Variants in SCN2A observed in about 807,000 individuals in gnomAD.
SCN2A encodes sodium channel protein type 2 subunit alpha.
Under a neutral mutation model 188.7 loss-of-function variants are expected in SCN2A, and 20 were observed. The observed-to-expected ratio is 0.11, with a 90% CI of 0.07 to 0.15. The LOEUF (loss-of-function observed/expected upper bound fraction) is 0.15. Among genes scored for constraint, SCN2A ranks in the 10% least tolerant of loss-of-function variants. The pLI is 1.00. For synonymous variants in SCN2A, 804 were observed against 833.1 expected, an observed-to-expected ratio of 0.97 and a Z score of 0.60; for missense variants, 1,278 against 2,445.0, an observed-to-expected ratio of 0.52 and a Z score of 10.07.
chr2:165,318,432 G>A (rs959066560), intron 11 of SCN2A, among the ~76,000 whole-genome samples: 6 of 152,218 alleles, frequency 3.9e-5, no homozygotes, highest in Admixed American at 2.6e-4. Flanking sequence ...TAGGAGTTTT[G>A]CTTTTTAAAG....
Position 165,265,444 on chromosome 2 carries a change from T to A in SCN2A, c.-52+25804T>A, listed in dbSNP as rs1183542055. On this transcript the variant is annotated intron_variant, in intron 1 of 26. Coordinates refer to ENST00000375437, the MANE Select transcript of SCN2A (RefSeq NM_001040142.2). ...AGTTGGCAAGTATTTTCTCCTATTC[T>A]CTAGGTTATGTGTTTACTCTGTTGA... 2.2e-5 allele frequency among the ~76,000 whole-genome samples: 3 copies of A among 133,632 alleles called. 1 individual carries two copies. The East Asian group carries it at 6.8e-4, about 30-fold the overall frequency. 87.7% of individuals were successfully genotyped at this position (133,632 alleles called of 152,430 possible).
intron 1 of SCN2A, among the ~76,000 whole-genome samples, chr2:165,292,505 G>A (rs1053752704): frequency 6.6e-6 from 1 of 151,974 alleles, no homozygotes; most frequent in Admixed American, 6.6e-5. Flanking sequence ...ATAGTCCACG[G>A]TGTCTCTTGT....
intron 1 of SCN2A, among the ~76,000 whole-genome samples, chr2:165,276,825 A>G (rs1324070761): frequency 2.6e-5 from 4 of 152,162 alleles, no homozygotes; most frequent in African/African-American, 9.7e-5. Flanking sequence ...TTCTGTGACC[A>G]CCTTCTGGAT....
At chr2:165,378,321 C>T in intron 23 of SCN2A, among the ~76,000 whole-genome samples, 1 of 144,546 alleles carries the variant, frequency 6.9e-6, no homozygotes. Context: ...GTGAAGAATT[C>T]CTGAGGTTTT....
intron 1 of SCN2A, chr2:165,285,610 A>G (rs1695792706): frequency 2.8e-5 from 7 of 250,102 alleles, no homozygotes; most frequent in Non-Finnish European, 6.1e-5. Context: ...GAAAAAGACT[A>G]TAACCCTGTG....
At chr2:165,291,352 G>GTTCC (rs756578383) in intron 1 of SCN2A, among the ~76,000 whole-genome samples, 202 of 56,022 alleles carry the variant, frequency 3.6e-3, no homozygotes, top group African/African-American at 9.8e-3. Flanking sequence ...TCTGTCGTTC[G>GTTCC]TTCCTTCCTT....
chr2:165,291,964 T>C (rs916784806), intron 1 of SCN2A, among the ~76,000 whole-genome samples: 1 of 152,034 alleles, frequency 6.6e-6, no homozygotes, highest in Admixed American at 6.6e-5. Flanking sequence ...GGAGTCTTTC[T>C]TCCCACTGAA....
chr2:165,308,720 G>A lies in SCN2A; in HGVS notation c.531G>A (p.Arg177=). 2.5e-6 allele frequency: 4 copies of A among 1,612,618 alleles called. No homozygotes were observed. Among genetic ancestry groups the A allele is most frequent in the Non-Finnish European group, 3.4e-6 (4 of 1,178,930 alleles). Residue 177 remains arginine (R), a synonymous_variant, in exon 5 of 27, where the codon AGG becomes AGA. Transcript: ENST00000375437. The part of the protein sequence containing the change: ...TFESLIKILA[R]GFCLEDFTFL... ...AATCACTTATTAAAATACTTGCAAG[G>A]GGCTTTTGTTTAGAAGATTTCACAT... is the stretch of plus-strand genomic sequence containing the variant.
At chr2:165,255,339 A>G (rs1027481835) in intron 1 of SCN2A, among the ~76,000 whole-genome samples, 2 of 152,014 alleles carry the variant, frequency 1.3e-5, no homozygotes, top group Non-Finnish European at 2.9e-5. Context: ...GAAACTATCT[A>G]TTAACTACCC....
chr2:165,266,703 C>T (rs1056466485), intron 1 of SCN2A: 5 of 152,022 alleles, frequency 3.3e-5, no homozygotes, highest in South Asian at 4.1e-4. Flanking sequence ...TATATCCTAC[C>T]GTAAAAGGTT....
chr2:165,284,702 T>G (rs1470910877), intron 1 of SCN2A, among the ~76,000 whole-genome samples: 1 of 152,134 alleles, frequency 6.6e-6, no homozygotes. Context: ...CAAGTGGAAA[T>G]ACCTCACCCT....
Position 165,389,349 on chromosome 2 carries a change from G to C in SCN2A, c.5543G>C (p.Ser1848Thr), listed in dbSNP as rs1397380001. 6.2e-7 allele frequency: 1 copy of C among 1,613,958 alleles called. No individual in the cohort carries two copies. The highest frequency in any genetic ancestry group is 2.2e-5 in the East Asian group (1 of 44,872). The change falls in exon 27 of 27, where the codon AGT becomes ACT. Residue 1848 changes from serine to threonine, a missense_variant. Ser to Thr is a moderately conservative substitution (Grantham distance 58). Transcript: ENST00000375437. This position sits in a 1 kb window ranked among gnomAD's most constrained non-coding sequence, Gnocchi z 4.2. Reference sequence around the variant, plus strand: ...ATTGCCATGGATCTGCCCATGGTGAGTGGTGACCGGATCCACTGTCTTGAC... The same window carrying C: ...ATTGCCATGGATCTGCCCATGGTGACTGGTGACCGGATCCACTGTCTTGAC... ...QLIAMDLPMV[S>T]GDRIHCLDIL...
intron 17 of SCN2A, among the ~76,000 whole-genome samples, chr2:165,355,128 A>G (rs914475730): frequency 1.3e-5 from 2 of 152,166 alleles, no homozygotes; most frequent in African/African-American, 4.8e-5. Context: ...TTTTGTTTGC[A>G]CAGACATATT....
rs536247865 is a variant in SCN2A, at chr2:165,313,559, G to T, written c.1035-61G>T. On this transcript the variant is annotated intron_variant, in intron 8 of 26. Coordinates refer to ENST00000375437, the MANE Select transcript of SCN2A (RefSeq NM_001040142.2). ...CAGACATTGGCATATATTAAAACAGGAAAACCAATTAGCAGACTTGCCGTT... is the reference window on the plus strand; with the variant it reads ...CAGACATTGGCATATATTAAAACAGTAAAACCAATTAGCAGACTTGCCGTT... 9 of 1,600,726 alleles carry T rather than the reference G, an allele frequency of 5.6e-6. No individual in the cohort carries two copies. In the African/African-American group the frequency reaches 1.2e-4, roughly 21 times the overall value.
intron 11 of SCN2A, among the ~76,000 whole-genome samples, chr2:165,317,539 T>C (rs931539343): frequency 3.3e-5 from 5 of 152,310 alleles, no homozygotes; most frequent in Admixed American, 6.5e-5. Context: ...ATCAACTTCA[T>C]ATCAAACACT....
intron 24 of SCN2A, 37 bp downstream of exon 24, chr2:165,380,766 TGAAC>T: frequency 2.7e-6 from 4 of 1,479,664 alleles, no homozygotes; most frequent in Non-Finnish European, 2.8e-6. Context: ...CTCTGAAATA[TGAAC>T]TAAATATTTC....
At chr2:165,312,751 A>G (rs1040381623) in intron 8 of SCN2A, among the ~76,000 whole-genome samples, 8 of 152,156 alleles carry the variant, frequency 5.3e-5, no homozygotes, top group Non-Finnish European at 1.2e-4. Context: ...TCCTAGGAAA[A>G]TTTAAAAACA....
intron 5 of SCN2A, chr2:165,309,016 T>C: frequency 9.4e-7 from 1 of 1,063,532 alleles, no homozygotes; most frequent in Non-Finnish European, 1.4e-6. Context: ...GTTTCCCAAA[T>C]AACAGAGATT....
At chr2:165,259,041 C>T (rs1694456303) in intron 1 of SCN2A, among the ~76,000 whole-genome samples, 1 of 152,030 alleles carries the variant, frequency 6.6e-6, no homozygotes, top group Admixed American at 6.6e-5. Context: ...ATGCAGTTTA[C>T]CTATATAACA....
Sources: gnomAD v4.1 joint callset for allele counts (sites outside exome capture counted in the v4.1 genomes callset) on GRCh38, gnomAD v4.1.1 for gene constraint, Gnocchi (gnomAD v3.1) non-coding constraint, MANE v1.5 for transcripts, NCBI Gene and HGNC (gene_info 2026-07-23, HGNC 2026-07-21) for gene names.